Variants in CCNH observed in about 807,000 individuals in gnomAD.
CCNH encodes the protein cyclin H.
CCNH carries 31 observed loss-of-function variants against 41.9 expected under a neutral mutation model. That is an observed-to-expected ratio of 0.74 (90% confidence interval 0.56 to 1.00). CCNH has a LOEUF of 1.00. CCNH is among the 50% of genes least tolerant of loss of function. The pLI, the probability that CCNH is intolerant of heterozygous loss-of-function variation, is 0.00. For missense variants in CCNH, 362 were observed against 388.4 expected, an observed-to-expected ratio of 0.93 and a Z score of 0.57; for synonymous variants, 138 against 136.1, an observed-to-expected ratio of 1.01 and a Z score of -0.10.
chr5:87,340,407 T>G lies in CCNH; in HGVS notation c.*91-21510A>C, dbSNP rs188993695. Among the ~76,000 whole-genome samples the G allele has an allele frequency of 2.0e-4, 31 of 152,192 alleles. No individual in the cohort carries two copies. The East Asian group carries it at 6.0e-3, about 29-fold the overall frequency. On this transcript the variant is annotated intron_variant and NMD_transcript_variant, in intron 9 of 9. Coordinates refer to the CCNH transcript ENST00000645953. ...GGGCAGTGACACAATGATAATGCTA[T>G]TCATTTTTATAGTTTTTTTTTTTAA...
Position 87,408,112 on chromosome 5 carries a change from C to G in CCNH, c.389G>C (p.Arg130Pro). ...VSSPQFVGNL[R>P]ESPLGQEKAL... ...CTTCTCCTGTCCAAGAGGACTCTCC[C>G]GGAGGTTTCCAACAAACTGAGGACT... Residue 130 changes from arginine (R) to proline (P), a missense_variant, in exon 4 of 9, where the codon CGG (arginine) becomes CCG (proline). Coordinates refer to ENST00000256897, the MANE Select transcript of CCNH (RefSeq NM_001239.4). The G allele has an allele frequency of 6.2e-7, 1 of 1,612,352 alleles. No homozygotes were observed. The highest frequency in any genetic ancestry group is 1.1e-5 in the South Asian group (1 of 91,010).
chr5:87,360,326 A>G (rs1052062027), intron 9 of CCNH, among the ~76,000 whole-genome samples: 34 of 152,052 alleles, frequency 2.2e-4, no homozygotes, highest in African/African-American at 7.5e-4. Flanking sequence ...GGGTTTCACC[A>G]TGTCGGCCAG....
chr5:87,405,211 A>C (rs1476070564), intron 4 of CCNH, among the ~76,000 whole-genome samples: 1 of 152,194 alleles, frequency 6.6e-6, no homozygotes, highest in African/African-American at 2.4e-5. Flanking sequence ...AGGGAAGGGA[A>C]GCTCTTAGAG....
intron 9 of CCNH, among the ~76,000 whole-genome samples, chr5:87,340,869 A>G (rs757316554): frequency 2.0e-5 from 3 of 152,156 alleles, no homozygotes; most frequent in Non-Finnish European, 1.5e-5. Context: ...ACCAAAAAAC[A>G]ATTGGTAGTA....
Position 87,342,162 on chromosome 5 carries a change from C to CTT in CCNH, c.*91-23267_*91-23266dup, listed in dbSNP as rs531793273. On this transcript the variant is annotated intron_variant and NMD_transcript_variant, in intron 9 of 9. Transcript: ENST00000645953. ...TTCAAATTCTTTTTTGTTATTTTTT[C>CTT]TTTTTTTTTTTTTTTGAGACAGAGT... Among the ~76,000 whole-genome samples, 8 of 139,772 alleles carry CTT rather than the reference C, an allele frequency of 5.7e-5. 1 individual carries two copies. Among genetic ancestry groups the CTT allele is most frequent in the African/African-American group, 7.8e-5 (3 of 38,472 alleles). The allele number at this position is 139,772 out of a possible 152,430, so 91.7% of individuals were successfully genotyped here. A position where few individuals can be genotyped will look rare whatever the true frequency, so the allele number is the denominator to read the frequency against.
intron 8 of CCNH, 115 bp downstream of exon 8, chr5:87,394,928 GA>G: frequency 2.6e-6 from 4 of 1,548,578 alleles, no homozygotes; most frequent in South Asian, 1.2e-5. Flanking sequence ...TGCAAAAAAT[GA>G]AAAAACCCAC....
upstream of CCNH, chr5:87,378,286 A>T: frequency 7.8e-7 from 1 of 1,283,118 alleles, no homozygotes; most frequent in African/African-American, 1.5e-5. Flanking sequence ...CGCAAAAAGC[A>T]CATTTAAGTG....
intron 9 of CCNH, among the ~76,000 whole-genome samples, chr5:87,339,390 C>T (rs1310052481): frequency 6.6e-6 from 1 of 152,084 alleles, no homozygotes; most frequent in African/African-American, 2.4e-5. Flanking sequence ...GATATTTACT[C>T]CATATAGGCA....
intron 9 of CCNH, chr5:87,333,488 C>G: frequency 7.8e-7 from 1 of 1,283,440 alleles, no homozygotes; most frequent in Non-Finnish European, 1.1e-6. Context: ...GGTCCTGTAT[C>G]TCTGGGTTGG....
intron 9 of CCNH, chr5:87,369,856 CATT>C (rs1241144052): frequency 6.2e-7 from 1 of 1,612,262 alleles, no homozygotes; most frequent in East Asian, 2.2e-5. Flanking sequence ...TAGTGAAGAA[CATT>C]ACATCTTTTA....
chr5:87,356,646 T>G (rs1377266201), intron 9 of CCNH, among the ~76,000 whole-genome samples: 1 of 152,202 alleles, frequency 6.6e-6, no homozygotes, highest in Non-Finnish European at 1.5e-5. Context: ...ATGCTGGGAT[T>G]ACAGTTGTGA....
At chr5:87,409,425 T>G (rs1764058791) in intron 2 of CCNH, 62 bp from the exon 3 acceptor site, 2 of 970,146 alleles carry the variant, frequency 2.1e-6, no homozygotes, top group Non-Finnish European at 3.2e-6. Context: ...TTAAATTTTG[T>G]GAAACAGAAC....
downstream of CCNH, among the ~76,000 whole-genome samples, chr5:87,315,875 A>G (rs1470211679): frequency 6.6e-6 from 1 of 152,196 alleles, no homozygotes; most frequent in Admixed American, 6.5e-5. Context: ...GTTTAATTTC[A>G]AAAAATGGAT....
chr5:87,383,881 C>A, intron 9 of CCNH: 2 of 991,326 alleles, frequency 2.0e-6, no homozygotes, highest in Non-Finnish European at 3.0e-6. Flanking sequence ...TTTGATCATC[C>A]AATTCTAGTC....
intron 6 of CCNH, 55 bp from the exon 7 acceptor site, chr5:87,399,560 G>GTT: frequency 2.7e-6 from 3 of 1,102,520 alleles, no homozygotes; most frequent in East Asian, 2.3e-5. Flanking sequence ...CCTTCTCATA[G>GTT]TAAGGGAGCT....
At chr5:87,353,903 G>A (rs1166706962) in intron 9 of CCNH, among the ~76,000 whole-genome samples, 2 of 152,082 alleles carry the variant, frequency 1.3e-5, no homozygotes, top group African/African-American at 2.4e-5. Context: ...GAAGTATATG[G>A]TAGGGAAATG....
exon 1 of CCNH, chr5:87,376,738 A>G: frequency 2.5e-6 from 3 of 1,200,834 alleles, no homozygotes; most frequent in Non-Finnish European, 3.5e-6. Flanking sequence ...TAGACTACGA[A>G]TTCATTCTAT....
At chr5:87,359,445 A>G (rs1759906796) in intron 9 of CCNH, among the ~76,000 whole-genome samples, 2 of 152,296 alleles carry the variant, frequency 1.3e-5, no homozygotes, top group South Asian at 4.1e-4. Flanking sequence ...CTTCTAGTGT[A>G]TTGGAATCTT....
downstream of CCNH, chr5:87,374,891 A>G (rs1580382405): frequency 3.1e-6 from 5 of 1,608,454 alleles, no homozygotes; most frequent in East Asian, 1.1e-4. Context: ...GTAATAAAAC[A>G]AAGAAAAGCA....
Sources: gnomAD v4.1 joint callset for allele counts (sites outside exome capture counted in the v4.1 genomes callset) on GRCh38, gnomAD v4.1.1 for gene constraint, MANE v1.5 for transcripts, NCBI Gene and HGNC (gene_info 2026-07-23, HGNC 2026-07-21) for gene names.